RCAN2: variants seen among roughly 807,000 people sequenced by gnomAD.
The protein encoded by RCAN2 is calcipressin-2.
A neutral mutation model predicts 23.6 loss-of-function variants in RCAN2; 9 were observed. The ratio of observed to expected loss-of-function variants is 0.38; its 90% CI spans 0.23 to 0.67. The LOEUF (loss-of-function observed/expected upper bound fraction) is 0.67. RCAN2 is among the 30% of genes least tolerant of loss of function. The probability of loss-of-function intolerance (pLI) is 0.51; values close to 1 mark genes in which losing one functional copy is unlikely to be tolerated. For synonymous variants in RCAN2, 109 were observed against 115.7 expected, an observed-to-expected ratio of 0.94 and a Z score of 0.37; for missense variants, 273 against 302.3, an observed-to-expected ratio of 0.90 and a Z score of 0.72.
chr6:46,313,120 T>C (rs1423203135), intron 2 of RCAN2, among the ~76,000 whole-genome samples: 1 of 152,198 alleles, frequency 6.6e-6, no homozygotes, highest in Non-Finnish European at 1.5e-5. Context: ...TTTCCCATCT[T>C]TCCTTCACCT....
chr6:46,326,205 T>C (rs1229806142), intron 2 of RCAN2, among the ~76,000 whole-genome samples: 1 of 152,198 alleles, frequency 6.6e-6, no homozygotes, highest in Non-Finnish European at 1.5e-5. Context: ...TTTGTGGAAA[T>C]TCTATTTGAA....
At chr6:46,296,810 G>A (rs1402357714) in intron 2 of RCAN2, among the ~76,000 whole-genome samples, 2 of 151,900 alleles carry the variant, frequency 1.3e-5, no homozygotes, top group Admixed American at 1.3e-4. Flanking sequence ...TGAAAACACT[G>A]AATCACCTTC....
intron 2 of RCAN2, among the ~76,000 whole-genome samples, chr6:46,328,593 T>C (rs1763867321): frequency 6.6e-6 from 1 of 152,032 alleles, no homozygotes; most frequent in Non-Finnish European, 1.5e-5. Flanking sequence ...AACAGTGTCC[T>C]GTTTCTCTAG....
chr6:46,462,425 A>AT (rs1161382801), intron 1 of RCAN2, among the ~76,000 whole-genome samples: 2 of 152,142 alleles, frequency 1.3e-5, no homozygotes, highest in African/African-American at 2.4e-5. Context: ...CGACCATTTC[A>AT]TTTTTTCGCA....
chr6:46,489,421 C>T (rs1769078426), intron 1 of RCAN2, among the ~76,000 whole-genome samples: 1 of 152,232 alleles, frequency 6.6e-6, no homozygotes, highest in African/African-American at 2.4e-5. Context: ...ACAGGAGGTG[C>T]TCAACAAATA....
chr6:46,341,797 C>A (rs372010574), intron 2 of RCAN2, among the ~76,000 whole-genome samples: 1 of 151,234 alleles, frequency 6.6e-6, no homozygotes, highest in East Asian at 1.9e-4. Flanking sequence ...GACTCTGTCC[C>A]AAAAAAAGGT....
chr6:46,454,506 T>A (rs1382375334), intron 2 of RCAN2, among the ~76,000 whole-genome samples: 2 of 152,014 alleles, frequency 1.3e-5, no homozygotes, highest in Non-Finnish European at 2.9e-5. Context: ...TTATTTGGTA[T>A]CCTAAAGACT....
intron 2 of RCAN2, among the ~76,000 whole-genome samples, chr6:46,434,766 C>T (rs767227019): frequency 2.0e-5 from 3 of 152,064 alleles, no homozygotes; most frequent in African/African-American, 7.2e-5. Flanking sequence ...GGTGATTTTG[C>T]CCCCCAGGGG....
intron 2 of RCAN2, among the ~76,000 whole-genome samples, chr6:46,363,552 G>A (rs1330517890): frequency 6.6e-6 from 1 of 152,098 alleles, no homozygotes; most frequent in Non-Finnish European, 1.5e-5. Context: ...GAATTTAGCT[G>A]AAAAGATGAG....
chr6:46,248,338 G>A (rs1043284961), intron 3 of RCAN2, among the ~76,000 whole-genome samples: 1 of 152,190 alleles, frequency 6.6e-6, no homozygotes, highest in Admixed American at 6.5e-5. Context: ...GGAAGGTTAG[G>A]AATAGCTGTG....
chr6:46,231,241 G>T (rs1765875216), intron 4 of RCAN2, among the ~76,000 whole-genome samples: 1 of 152,090 alleles, frequency 6.6e-6, no homozygotes, highest in South Asian at 2.1e-4. Flanking sequence ...GAAGACTGAG[G>T]TTATGCAGCC....
At chr6:46,483,750 T>C (rs1768925243) in intron 1 of RCAN2, among the ~76,000 whole-genome samples, 1 of 152,216 alleles carries the variant, frequency 6.6e-6, no homozygotes, top group Admixed American at 6.5e-5. Context: ...TTGCTAAATA[T>C]CTTTCCTGAC....
chr6:46,246,848 G>A lies in RCAN2; in HGVS notation c.471C>T (p.Ile157=), dbSNP rs956304865. The change falls in exon 4 of 5, where the codon ATC becomes ATT. Residue 157 remains isoleucine (I), a synonymous_variant. Coordinates refer to ENST00000371374, the MANE Select transcript of RCAN2 (RefSeq NM_001251974.2). ...APPQPAKQFL[I]SPPSSPPVGW... ...CAACAGGTGGGGAGGAAGGGGGCGA[G>A]ATGAGAAACTGTTTGGCAGGCTGGG... is the stretch of plus-strand genomic sequence containing the variant. The A allele has an allele frequency of 4.3e-6, 7 of 1,612,710 alleles. No homozygotes were observed. In the African/African-American group the frequency reaches 6.7e-5, roughly 15 times the overall value.
rs75450214 is a variant in RCAN2 at position 46,408,505 on chromosome 6, C to A, written c.225+48247G>T. 4.7e-3 allele frequency among the ~76,000 whole-genome samples: 711 copies of A among 152,276 alleles called. 7 individuals are homozygous for A. The highest frequency in any genetic ancestry group is 0.015 in the African/African-American group (629 of 41,550). On this transcript the variant is annotated intron_variant, in intron 2 of 4. Coordinates refer to ENST00000371374, the MANE Select transcript of RCAN2 (RefSeq NM_001251974.2). ...ATTCTCTATGTCATTGCAATATTCC[C>A]AGCATTGTTACTGTTTTCTAGTAAT...
chr6:46,428,540 G>A (rs1767098651), intron 2 of RCAN2, among the ~76,000 whole-genome samples: 1 of 152,152 alleles, frequency 6.6e-6, no homozygotes, highest in Admixed American at 6.5e-5. Flanking sequence ...ATTTTCTTTG[G>A]AGCAATGGCT....
chr6:46,465,479 C>A (rs146376689), intron 1 of RCAN2, among the ~76,000 whole-genome samples: 1 of 152,156 alleles, frequency 6.6e-6, no homozygotes, highest in African/African-American at 2.4e-5. Flanking sequence ...CCTGGTCTAG[C>A]ACTCTCCCTA....
At chr6:46,267,138 T>C (rs1246094605) in intron 2 of RCAN2, among the ~76,000 whole-genome samples, 1 of 152,192 alleles carries the variant, frequency 6.6e-6, no homozygotes, top group Admixed American at 6.5e-5. Context: ...TAGTTAAAAG[T>C]TATGGGCAAG....
At chr6:46,393,624 A>G (rs1340803251) in intron 2 of RCAN2, among the ~76,000 whole-genome samples, 1 of 152,206 alleles carries the variant, frequency 6.6e-6, no homozygotes, top group African/African-American at 2.4e-5. Flanking sequence ...AGAAATAAAC[A>G]AGAGTCACAA....
chr6:46,401,749 A>C (rs767886068), intron 2 of RCAN2, among the ~76,000 whole-genome samples: 1 of 152,098 alleles, frequency 6.6e-6, no homozygotes, highest in Non-Finnish European at 1.5e-5. Context: ...ACTAACTCTA[A>C]ACCATAGATA....
Sources: gnomAD v4.1 joint callset for allele counts (sites outside exome capture counted in the v4.1 genomes callset) on GRCh38, gnomAD v4.1.1 for gene constraint, MANE v1.5 for transcripts, NCBI Gene and HGNC (gene_info 2026-07-23, HGNC 2026-07-21) for gene names.